The following TIMD4 variants were observed in gnomAD, a reference collection of about 807,000 sequenced individuals.
TIMD4 encodes the protein T-cell immunoglobulin and mucin domain-containing protein 4.
TIMD4 carries 31 observed loss-of-function variants against 41.2 expected under a neutral mutation model. The ratio of observed to expected loss-of-function variants is 0.75; its 90% CI spans 0.57 to 1.01. The LOEUF (loss-of-function observed/expected upper bound fraction) is 1.01, where lower values mean the gene tolerates loss of function less well. Ranked by LOEUF, TIMD4 falls within the 50% of genes least tolerant of loss-of-function variation. TIMD4 has a pLI of 0.00. For synonymous variants in TIMD4, 204 were observed against 177.1 expected, an observed-to-expected ratio of 1.15 and a Z score of -1.21; for missense variants, 479 against 472.5, an observed-to-expected ratio of 1.01 and a Z score of -0.13.
chr5:156,947,235 G>A (rs541899142), intron 5 of TIMD4, among the ~76,000 whole-genome samples: 2 of 152,024 alleles, frequency 1.3e-5, no homozygotes, highest in East Asian at 1.9e-4. Context: ...AAAAAGAAAA[G>A]AACAAGATGA....
At chr5:156,960,088 G>T (rs1023754871) in intron 1 of TIMD4, among the ~76,000 whole-genome samples, 1 of 77,314 alleles carries the variant, frequency 1.3e-5, no homozygotes, top group Non-Finnish European at 2.4e-5. Context: ...AAAAGAAAAG[G>T]CACCTATGAA....
intron 1 of TIMD4, among the ~76,000 whole-genome samples, chr5:156,957,124 T>C (rs893129135): frequency 6.6e-6 from 1 of 152,100 alleles, no homozygotes; most frequent in African/African-American, 2.4e-5. Context: ...CTGGTTGTTC[T>C]TATGATAAAA....
At chr5:156,923,446 G>A (rs1759288491) in intron 6 of TIMD4, among the ~76,000 whole-genome samples, 1 of 142,140 alleles carries the variant, frequency 7.0e-6, no homozygotes, top group South Asian at 2.2e-4. Context: ...ACTGCACCCG[G>A]CCTAAAAAAA....
At position 156,932,283 on chromosome 5, in the gene TIMD4, T is replaced by G. The variant is rs114999242; in HGVS notation, c.845-5971A>C. On this transcript the variant is annotated intron_variant, in intron 5 of 8. Coordinates refer to ENST00000274532, the MANE Select transcript of TIMD4 (RefSeq NM_138379.3). ...GTATCATGTGTTCATCACTGGAAACTCCACGATGCTTGAGGCAAGAGCAAA... is the reference window on the plus strand; with the variant it reads ...GTATCATGTGTTCATCACTGGAAACGCCACGATGCTTGAGGCAAGAGCAAA... Among the ~76,000 whole-genome samples, 1,276 of 152,316 alleles carry G rather than the reference T, an allele frequency of 8.4e-3. 21 individuals carry two copies. Among genetic ancestry groups the G allele is most frequent in the African/African-American group, 0.029 (1,221 of 41,552 alleles).
At chr5:156,938,544 A>G (rs1023977288) in intron 5 of TIMD4, among the ~76,000 whole-genome samples, 1 of 152,042 alleles carries the variant, frequency 6.6e-6, no homozygotes, top group Admixed American at 6.5e-5. Flanking sequence ...ACGAGATCTG[A>G]TTGTTCTCAC....
At chr5:156,960,060 T>G (rs1341412151) in intron 1 of TIMD4, among the ~76,000 whole-genome samples, 6 of 146,998 alleles carry the variant, frequency 4.1e-5, no homozygotes, top group Non-Finnish European at 8.9e-5. Context: ...CCCAAAAATA[T>G]TTTGAAAAAC....
rs943884120 is a variant in TIMD4 at position 156,942,533 on chromosome 5, C to T, written c.844+5883G>A. Among the ~76,000 whole-genome samples the T allele has an allele frequency of 5.3e-5, 8 of 152,330 alleles. No individual in the cohort carries two copies. In the South Asian group the frequency reaches 6.2e-4, roughly 12 times the overall value. ...ATGCGGATGTGAGTCCCAGTTCTCC[C>T]TCTGTCTAGCTGTGTGACCTTGGAT... On this transcript the variant is annotated intron_variant, in intron 5 of 8. Coordinates refer to ENST00000274532, the MANE Select transcript of TIMD4 (RefSeq NM_138379.3).
intron 5 of TIMD4, among the ~76,000 whole-genome samples, chr5:156,945,339 A>G (rs546283856): frequency 1.3e-5 from 2 of 152,358 alleles, no homozygotes; most frequent in South Asian, 4.1e-4. Context: ...GACAATCAAA[A>G]GAGATAATAC....
At position 156,954,460 on chromosome 5, in the gene TIMD4, A is replaced by G. The variant is rs767082333; in HGVS notation, c.355T>C (p.Trp119Arg). 4.3e-6 allele frequency: 7 copies of G among 1,614,202 alleles called. No individual in the cohort carries two copies. Among genetic ancestry groups the G allele is most frequent in the Non-Finnish European group, 5.9e-6 (7 of 1,180,040 alleles). The change falls in exon 2 of 9, where the codon TGG becomes CGG. Residue 119 changes from tryptophan to arginine, a missense_variant. Trp to Arg is a moderately radical substitution (Grantham distance 101). Transcript: ENST00000274532. ...ACGTTTATCTTTACATCGTTGAACC[A>G]GCCAGGCACTTCTATGCGGCAGCAG... ...VYCCRIEVPG[W>R]FNDVKINVRL...
chr5:156,942,015 C>A (rs537097068), intron 5 of TIMD4, among the ~76,000 whole-genome samples: 1 of 152,326 alleles, frequency 6.6e-6, no homozygotes, highest in East Asian at 1.9e-4. Flanking sequence ...AACCCACTCC[C>A]CCATATTCTT....
At chr5:156,951,311 G>A (rs1329696752) in intron 3 of TIMD4, among the ~76,000 whole-genome samples, 2 of 152,176 alleles carry the variant, frequency 1.3e-5, no homozygotes, top group East Asian at 1.9e-4. Context: ...CCCAGGACTT[G>A]TAGAACCCAG....
chr5:156,939,975 C>G (rs1464900956), intron 5 of TIMD4, among the ~76,000 whole-genome samples: 1 of 152,246 alleles, frequency 6.6e-6, no homozygotes, highest in African/African-American at 2.4e-5. Context: ...TCCGTCGTCT[C>G]CGTCTCCCGC....
chr5:156,920,561 A>T (rs1759218089), intron 7 of TIMD4, 58 bp from the exon 8 acceptor site: 3 of 1,569,834 alleles, frequency 1.9e-6, no homozygotes, highest in Non-Finnish European at 2.6e-6. Flanking sequence ...AACATGCAAA[A>T]TGCTGGGGGA....
chr5:156,948,375 A>C lies in TIMD4; in HGVS notation c.844+41T>G, dbSNP rs185695400. ...TCTAAAAAAAATAATAATAATAATT[A>C]ATAAAGTAAAATAAAATAAAAAAAA... On this transcript the variant is annotated intron_variant, in intron 5 of 8. Coordinates refer to ENST00000274532, the MANE Select transcript of TIMD4 (RefSeq NM_138379.3). 666 of 1,137,814 alleles carry C rather than the reference A, an allele frequency of 5.9e-4. 7 individuals carry two copies. The African/African-American group carries it at 9.4e-3, about 16-fold the overall frequency. The allele number at this position is 1,137,814 out of a possible 1,614,324, so 70.5% of individuals were successfully genotyped here.
At chr5:156,920,635 G>C in intron 7 of TIMD4, 132 bp from the exon 8 acceptor site, 1 of 854,552 alleles carries the variant, frequency 1.2e-6, no homozygotes, top group Non-Finnish European at 1.9e-6. Context: ...GCTGGCTTTG[G>C]CAGAAAAAGC....
intron 2 of TIMD4, among the ~76,000 whole-genome samples, chr5:156,952,277 A>C (rs1282793025): frequency 6.6e-6 from 1 of 150,940 alleles, no homozygotes; most frequent in Non-Finnish European, 1.5e-5. Context: ...GCAACAGAGT[A>C]AGACTCCATC....
chr5:156,947,824 G>C (rs1759772147), intron 5 of TIMD4, among the ~76,000 whole-genome samples: 1 of 152,146 alleles, frequency 6.6e-6, no homozygotes, highest in African/African-American at 2.4e-5. Context: ...CATGGCAGGG[G>C]GCTGGGATTG....
At position 156,954,615 on chromosome 5, in the gene TIMD4, G is replaced by T. The variant is rs200184575; in HGVS notation, c.200C>A (p.Ala67Glu). Residue 67 changes from alanine (A) to glutamate (E), a missense_variant, in exon 2 of 9, where the codon GCG becomes GAG. Coordinates refer to ENST00000274532, the MANE Select transcript of TIMD4 (RefSeq NM_138379.3). ...CCTCATTCCATCAGTGCGGATGAGC[G>T]CCTCCTTGCAACCGGAGTAGGGGCA... ...DQCPYSGCKEALIRTDGMRVT... is the reference protein window; with the variant it reads ...DQCPYSGCKEELIRTDGMRVT... The T allele has an allele frequency of 1.2e-6, 2 of 1,614,200 alleles. No individual in the cohort carries two copies. The highest frequency in any genetic ancestry group is 1.7e-6 in the Non-Finnish European group (2 of 1,180,042).
intron 5 of TIMD4, among the ~76,000 whole-genome samples, chr5:156,926,944 T>C (rs1309613168): frequency 1.3e-5 from 2 of 152,182 alleles, no homozygotes; most frequent in Non-Finnish European, 2.9e-5. Flanking sequence ...AAGGGAACCA[T>C]ACTGAGAATC....
Sources: gnomAD v4.1 joint callset for allele counts (sites outside exome capture counted in the v4.1 genomes callset) on GRCh38, gnomAD v4.1.1 for gene constraint, MANE v1.5 for transcripts, NCBI Gene and HGNC (gene_info 2026-07-23, HGNC 2026-07-21) for gene names.